The following TSC2 variants were observed in gnomAD, a reference collection of about 807,000 sequenced individuals.
TSC2 encodes the protein tuberin.
Under a neutral mutation model 202.2 loss-of-function variants are expected in TSC2, and 29 were observed. The observed-to-expected ratio is 0.14, with a 90% CI of 0.11 to 0.20. TSC2 has a LOEUF of 0.20. TSC2 is among the 10% of genes least tolerant of loss of function. The pLI, the probability that TSC2 is intolerant of heterozygous loss-of-function variation, is 1.00. For synonymous variants in TSC2, 1,349 were observed against 1,044.0 expected (o/e 1.29, Z -5.63); for missense variants, 2,429 against 2,420.0 (o/e 1.00, Z -0.08).
In TSC2 at chr16:2,056,837, T is replaced by C. The variant is rs1292220615; in HGVS notation, c.774+68T>C. 12 of 1,596,768 alleles carry C rather than the reference T, an allele frequency of 7.5e-6. 1 individual carries two copies. The Admixed American group carries it at 1.8e-4, about 24-fold the overall frequency. On this transcript the variant is annotated intron_variant, in intron 8 of 41. Transcript: ENST00000219476. Reference sequence around the variant, plus strand: ...TGGATGGGACAAGGGCCATCCTGTCTCCCATGAATGGTTGTCTGATTCTTG... The same window carrying C: ...TGGATGGGACAAGGGCCATCCTGTCCCCCATGAATGGTTGTCTGATTCTTG...
chr16:2,064,091 TGGAAGGGGCCCC>T (rs1484642356), intron 14 of TSC2, 169 bp from the exon 15 acceptor site: 1 of 957,116 alleles, frequency 1.0e-6, no homozygotes, highest in African/African-American at 1.6e-5. Flanking sequence ...ACAGGATCCC[TGGAAGGGGCCCC>T]GGGGTCTCTG....
At chr16:2,058,105 T>G (rs1197917702) in intron 9 of TSC2, among the ~76,000 whole-genome samples, 4 of 146,002 alleles carry the variant, frequency 2.7e-5, no homozygotes, top group Non-Finnish European at 1.5e-5. Flanking sequence ...CAGCCCTGCA[T>G]CTCTCCTAGC....
intron 26 of TSC2, 124 bp downstream of exon 26, chr16:2,077,850 G>A: frequency 3.3e-6 from 5 of 1,525,426 alleles, no homozygotes; most frequent in South Asian, 1.1e-5. Flanking sequence ...GGCCAGCCCA[G>A]GGGGAGCCGG....
At chr16:2,067,429 T>C (rs2087544547) in intron 16 of TSC2, among the ~76,000 whole-genome samples, 2 of 151,446 alleles carry the variant, frequency 1.3e-5, no homozygotes, top group Non-Finnish European at 2.9e-5. Flanking sequence ...CCCAAAGTGC[T>C]GGGATTACAG....
chr16:2,081,280 G>A (rs1376495789), intron 30 of TSC2: 1 of 432,614 alleles, frequency 2.3e-6, no homozygotes, highest in Non-Finnish European at 4.4e-6. Context: ...AGGGGCGCCT[G>A]GGTGTGCCGT....
In TSC2 at chr16:2,061,981, G is replaced by C. The variant is rs2151156690; in HGVS notation, c.1230G>C (p.Leu410=). ...GGTCTCAGGAGAGATACTTTGAACT[G>C]GTGGAGAGATGTGCGGACCAGAGGC... ...FHGSQERYFE[L]VERCADQRPE... is the part of the protein sequence containing the mutation. The change falls in exon 12 of 42, where the codon CTG becomes CTC. Residue 410 remains leucine (L), a synonymous_variant. Coordinates refer to ENST00000219476, the MANE Select transcript of TSC2 (RefSeq NM_000548.5). The C allele has an allele frequency of 6.2e-7, 1 of 1,614,180 alleles. No homozygotes were observed. Among genetic ancestry groups the C allele is most frequent in the Non-Finnish European group, 8.5e-7 (1 of 1,180,038 alleles).
rs397515077 is a variant in TSC2, at chr16:2,075,885, C to T, written c.2632C>T (p.Pro878Ser). Residue 878 changes from proline to serine, a missense_variant, in exon 23 of 42, where the codon CCC (proline) becomes TCC (serine). By Grantham distance (74) the Pro-to-Ser change is moderately conservative (BLOSUM62 -1). Coordinates refer to ENST00000219476, the MANE Select transcript of TSC2 (RefSeq NM_000548.5). ...CGCCATCTCCCTGCCGTACACCAAC[C>T]CCTCCAAGTGAGTGGTCGCCCCAGG... is the stretch of plus-strand genomic sequence containing the variant. Reference protein sequence around the residue: ...VFAISLPYTNPSKFNQYIVCL... With the variant: ...VFAISLPYTNSSKFNQYIVCL... 2.4e-5 allele frequency: 39 copies of T among 1,613,220 alleles called. No homozygotes were observed. The highest frequency in any genetic ancestry group is 3.1e-5 in the Non-Finnish European group (37 of 1,180,000).
rs757984721 is a variant in TSC2 at position 2,070,434 on chromosome 16, G to A, written c.1717-22G>A. 2.5e-6 allele frequency: 4 copies of A among 1,613,160 alleles called. No homozygotes were observed. The African/African-American group carries it at 4.0e-5, about 16-fold the overall frequency. On this transcript the variant is annotated intron_variant, in intron 16 of 41. Coordinates refer to ENST00000219476, the MANE Select transcript of TSC2 (RefSeq NM_000548.5). ...GCGTTTTCACCTCCTGCGCCGTGGT[G>A]AGCTGCGTCCTCTCTCTGCAGACCA... is the stretch of plus-strand genomic sequence containing the variant.
chr16:2,082,717 TC>T, intron 32 of TSC2: 1 of 637,262 alleles, frequency 1.6e-6, no homozygotes, highest in Non-Finnish European at 2.8e-6. Flanking sequence ...TGAGCCCTGT[TC>T]CCACGCTGTG....
rs45517354 is a variant in TSC2 at position 2,085,298 on chromosome 16, C to T, written c.4638C>T (p.Ala1546=). 1,106 of 1,612,710 alleles carry T rather than the reference C, an allele frequency of 6.9e-4. 5 individuals carry two copies. The African/African-American group carries it at 0.012, about 18-fold the overall frequency. The part of the protein sequence containing the change: ...QIPSYDTHKI[A]VLYVGEGQSN... ...CATCATACGACACCCACAAGATCGC[C>T]GTCCTGTATGTTGGAGAAGGCCAGG... Residue 1546 remains alanine, a synonymous_variant, in exon 36 of 42, where the codon GCC becomes GCT. Transcript: ENST00000219476.
rs542975938 is a variant in TSC2, at chr16:2,050,781, G to A, written c.225+295G>A. 3.9e-5 allele frequency among the ~76,000 whole-genome samples: 6 copies of A among 151,916 alleles called. No individual in the cohort carries two copies. The South Asian group carries it at 1.0e-3, about 26-fold the overall frequency. ...TTTTTGTATTTTTAGTAGAGACGGG[G>A]TTTCGCCATGTTGGCCAGGCTGGTC... On this transcript the variant is annotated intron_variant, in intron 3 of 41. Coordinates refer to ENST00000219476, the MANE Select transcript of TSC2 (RefSeq NM_000548.5).
chr16:2,051,898 C>T (rs2085171094), intron 3 of TSC2, among the ~76,000 whole-genome samples: 2 of 152,142 alleles, frequency 1.3e-5, no homozygotes, highest in African/African-American at 4.8e-5. Flanking sequence ...AACCCTGTTT[C>T]TACTAAAGAT....
intron 38 of TSC2, 163 bp downstream of exon 38, chr16:2,087,034 TTG>T: frequency 1.8e-6 from 2 of 1,089,400 alleles, no homozygotes; most frequent in Non-Finnish European, 2.7e-6. Flanking sequence ...CGAGCCTGCG[TTG>T]TGTCCTCTGT....
intron 25 of TSC2, chr16:2,077,342 T>G: frequency 1.9e-6 from 1 of 540,228 alleles, no homozygotes; most frequent in Non-Finnish European, 3.4e-6. Context: ...CTGACGTTGT[T>G]TGTTTTGGTG....
rs199943270 is a variant in TSC2 at position 2,084,722 on chromosome 16, C to G, written c.4493+7C>G. 1 of 1,598,474 alleles carries G rather than the reference C, an allele frequency of 6.3e-7. No individual in the cohort carries two copies. Among genetic ancestry groups the G allele is most frequent in the East Asian group, 2.2e-5 (1 of 44,874 alleles). ...TGCCAGGCATCAACCCCAGGTGGGC[C>G]TCTTGCTTCCGGGCGGGGCTCCTGA... is the stretch of plus-strand genomic sequence containing the variant. On this transcript the variant is annotated splice_region_variant and intron_variant, in intron 34 of 41. Transcript: ENST00000219476.
intron 16 of TSC2, 80 bp from the exon 17 acceptor site, chr16:2,070,373 GCCC>G: frequency 6.2e-7 from 1 of 1,611,550 alleles, no homozygotes; most frequent in Non-Finnish European, 8.5e-7. Flanking sequence ...AGCCGCCCCG[GCCC>G]CTGCTCCGGG....
intron 32 of TSC2, chr16:2,082,840 C>T (rs779610246): frequency 2.2e-6 from 1 of 464,344 alleles, no homozygotes; most frequent in African/African-American, 2.0e-5. Flanking sequence ...AGGGGGAAGC[C>T]CACCCCTGGG....
At position 2,059,509 on chromosome 16, in the gene TSC2, G is replaced by GTT. The variant is rs34881847; in HGVS notation, c.975+659_975+660dup. On this transcript the variant is annotated intron_variant, in intron 10 of 41. Coordinates refer to ENST00000219476, the MANE Select transcript of TSC2 (RefSeq NM_000548.5). Reference sequence around the variant, plus strand: ...TGCCTGCCACAGTGCCTGGCTAATGGTTTTTTTTTTTTTTTTTTTTTTTTA... The same window carrying GTT: ...TGCCTGCCACAGTGCCTGGCTAATGGTTTTTTTTTTTTTTTTTTTTTTTTTTA... 7.5e-3 allele frequency among the ~76,000 whole-genome samples: 475 copies of GTT among 63,528 alleles called. 36 individuals are homozygous for GTT. Among genetic ancestry groups the GTT allele is most frequent in the East Asian group, 0.027 (50 of 1,872 alleles). The allele number at this position is 63,528 out of a possible 152,430, so 41.7% of individuals were successfully genotyped here. A position where few individuals can be genotyped will look rare whatever the true frequency, so the allele number is the denominator to read the frequency against.
chr16:2,071,365 G>T (rs368261597), intron 17 of TSC2, 145 bp from the exon 18 acceptor site: 16 of 771,032 alleles, frequency 2.1e-5, no homozygotes, highest in South Asian at 1.2e-4. Context: ...GCCTGTGTCT[G>T]TGTTGGGATG....
Sources: allele counts gnomAD v4.1 joint callset (sites outside exome capture counted in the v4.1 genomes callset), GRCh38; gene constraint gnomAD v4.1.1; transcripts MANE v1.5; gene names NCBI Gene and HGNC (gene_info 2026-07-23, HGNC 2026-07-21).